Variants in CLTC observed in about 807,000 individuals in gnomAD.
CLTC encodes the protein clathrin heavy chain.
CLTC carries 16 observed loss-of-function variants against 195.8 expected under a neutral mutation model. That is an observed-to-expected ratio of 0.08 (90% CI 0.06 to 0.12). CLTC has a LOEUF of 0.12. CLTC is among the 10% of genes least tolerant of loss of function. CLTC has a pLI of 1.00. For synonymous variants in CLTC, 667 were observed against 689.4 expected (o/e 0.97, Z 0.51); for missense variants, 796 against 2,027.0 (o/e 0.39, Z 11.66).
chr17:59,681,849 CT>C lies in CLTC; in HGVS notation c.3442+12del, dbSNP rs1328968409. The C allele has an allele frequency of 6.2e-7, 1 of 1,600,870 alleles. No homozygotes were observed. Among genetic ancestry groups the C allele is most frequent in the South Asian group, 1.1e-5 (1 of 89,640 alleles). On this transcript the variant is annotated intron_variant, in intron 21 of 31. Coordinates refer to ENST00000269122, the MANE Select transcript of CLTC (RefSeq NM_004859.4). The surrounding 1 kb of genome is among the most constrained non-coding windows in gnomAD (Gnocchi z 5.0). ...GCTGCCAATACTAGTGGTATGACTTCTTACCTTATGTATTGAAACCTCATAA... is the reference window on the plus strand; with the variant it reads ...GCTGCCAATACTAGTGGTATGACTTCTACCTTATGTATTGAAACCTCATAA...
At chr17:59,644,030 GC>G (rs2032118514) in intron 1 of CLTC, among the ~76,000 whole-genome samples, 1 of 152,176 alleles carries the variant, frequency 6.6e-6, no homozygotes, top group Non-Finnish European at 1.5e-5. Flanking sequence ...TGCAGATGTT[GC>G]TCTTTCCTTT....
At chr17:59,680,405 T>C (rs1598239708) in intron 18 of CLTC, among the ~76,000 whole-genome samples, 1 of 152,278 alleles carries the variant, frequency 6.6e-6, no homozygotes, top group East Asian at 1.9e-4. Context: ...CTGAGATAAG[T>C]ATAAATAAAA....
At chr17:59,677,784 T>C (rs534645144) in intron 17 of CLTC, among the ~76,000 whole-genome samples, 2 of 152,370 alleles carry the variant, frequency 1.3e-5, no homozygotes, top group South Asian at 4.1e-4. Context: ...TCTATGACGC[T>C]GATATCTTTG....
At position 59,685,851 on chromosome 17, in the gene CLTC, T is replaced by A. The variant is rs375635344; in HGVS notation, c.4827+43T>A. 7.1e-7 allele frequency: 1 copy of A among 1,404,128 alleles called. No homozygotes were observed. The highest frequency in any genetic ancestry group is 9.7e-7 in the Non-Finnish European group (1 of 1,029,098). 87.0% of individuals were successfully genotyped at this position (1,404,128 alleles called of 1,614,324 possible). A position where few individuals can be genotyped will look rare whatever the true frequency, so the allele number is the denominator to read the frequency against. On this transcript the variant is annotated intron_variant, in intron 30 of 31. Coordinates refer to ENST00000269122, the MANE Select transcript of CLTC (RefSeq NM_004859.4). This position sits in a 1 kb window ranked among gnomAD's most constrained non-coding sequence, Gnocchi z 5.0. Reference sequence around the variant, plus strand: ...TGTATTCAGAACTAGTTTCCTTGCATGTAAAATTCTACATGCACATTAATT... The same window carrying A: ...TGTATTCAGAACTAGTTTCCTTGCAAGTAAAATTCTACATGCACATTAATT...
chr17:59,684,251 A>G (rs556451596), intron 28 of CLTC: 1 of 326,160 alleles, frequency 3.1e-6, no homozygotes, highest in East Asian at 5.5e-5. Context: ...GGTAGAGTCA[A>G]AAATGTCTTT....
At position 59,693,747 on chromosome 17, in the gene CLTC, G is replaced by A; in HGVS notation, c.4923G>A (p.Leu1641=). 6.2e-7 allele frequency: 1 copy of A among 1,612,996 alleles called. No individual in the cohort carries two copies. Among genetic ancestry groups the A allele is most frequent in the South Asian group, 1.1e-5 (1 of 90,994 alleles). ...PIVYGQPQLM[L]TAGPSVAVPP... ...CTGTAGGTCAGCCCCAGTTGATGCT[G>A]ACAGCAGGACCCAGTGTTGCCGTCC... The change falls in exon 32 of 32, where the codon CTG becomes CTA. Residue 1641 remains leucine, a synonymous_variant. Coordinates refer to ENST00000269122, the MANE Select transcript of CLTC (RefSeq NM_004859.4).
chr17:59,654,221 G>C (rs2032404587), intron 5 of CLTC, among the ~76,000 whole-genome samples: 2 of 149,402 alleles, frequency 1.3e-5, no homozygotes, highest in Admixed American at 1.3e-4. Flanking sequence ...TGTCACCCAG[G>C]CTGGAGTGCA....
At chr17:59,688,243 G>A (rs2033226742) in intron 30 of CLTC, among the ~76,000 whole-genome samples, 2 of 152,152 alleles carry the variant, frequency 1.3e-5, no homozygotes, top group African/African-American at 4.8e-5. Flanking sequence ...AGCCTGTATA[G>A]CAAGTCATCT....
chr17:59,685,137 G>C lies in CLTC; in HGVS notation c.4516G>C (p.Glu1506Gln). The change falls in exon 29 of 32, where the codon GAG becomes CAG. Residue 1506 changes from glutamate (E) to glutamine (Q), a missense_variant. By Grantham distance (29) the Glu-to-Gln change is conservative. Transcript: ENST00000269122. This position sits in a 1 kb window ranked among gnomAD's most constrained non-coding sequence, Gnocchi z 5.0. ...GCGTTTGGAAAAACATGAACTCATTGAGTTCAGGAGAATTGCTGCTTATCT... is the reference window on the plus strand; with the variant it reads ...GCGTTTGGAAAAACATGAACTCATTCAGTTCAGGAGAATTGCTGCTTATCT... ...AQRLEKHELI[E>Q]FRRIAAYLFK... 1 of 1,612,098 alleles carries C rather than the reference G, an allele frequency of 6.2e-7. No homozygotes were observed. Among genetic ancestry groups the C allele is most frequent in the Non-Finnish European group, 8.5e-7 (1 of 1,178,670 alleles).
At chr17:59,631,308 G>A (rs1417381402) in intron 1 of CLTC, among the ~76,000 whole-genome samples, 1 of 152,104 alleles carries the variant, frequency 6.6e-6, no homozygotes, top group Non-Finnish European at 1.5e-5. Context: ...TACCTGTTAC[G>A]TATACTGAGT....
At chr17:59,656,273 G>T (rs1302938338) in intron 6 of CLTC, 1 of 342,074 alleles carries the variant, frequency 2.9e-6, no homozygotes, top group Non-Finnish European at 5.3e-6. Flanking sequence ...TGAATACAAA[G>T]TCTCTCTTTA....
intron 1 of CLTC, among the ~76,000 whole-genome samples, chr17:59,627,278 A>G (rs1441410484): frequency 6.6e-6 from 1 of 152,224 alleles, no homozygotes; most frequent in Admixed American, 6.5e-5. Context: ...ATGGGCCATT[A>G]TAGTTGTTTG....
chr17:59,652,229 A>C (rs1314953521), intron 5 of CLTC, among the ~76,000 whole-genome samples: 2 of 152,178 alleles, frequency 1.3e-5, no homozygotes, highest in African/African-American at 4.8e-5. Flanking sequence ...GAAGGTTGGA[A>C]TCAGCCTCTT....
Position 59,644,356 on chromosome 17 carries a change from A to G in CLTC, c.123A>G (p.Arg41=), listed in dbSNP as rs1275814565. 1.2e-6 allele frequency: 2 copies of G among 1,614,014 alleles called. No individual in the cohort carries two copies. The highest frequency in any genetic ancestry group is 2.2e-5 in the East Asian group (1 of 44,894). Residue 41 remains arginine, a synonymous_variant, in exon 2 of 32, where the codon AGA becomes AGG. Transcript: ENST00000269122. ...AGTCTGACAAATTCATCTGCATTAG[A>G]GAAAAAGTAGGAGAGCAGGCCCAGG... ...TMESDKFICI[R]EKVGEQAQVV...
At chr17:59,664,122 A>C (rs2032669937) in intron 9 of CLTC, 128 bp downstream of exon 9, 1 of 793,580 alleles carries the variant, frequency 1.3e-6, no homozygotes, top group South Asian at 2.0e-5. Flanking sequence ...GAAATGTATA[A>C]AAATTCTCTT....
intron 14 of CLTC, 110 bp from the exon 15 acceptor site, chr17:59,673,537 A>ATGTTTGTG (rs2032900454): frequency 2.7e-6 from 2 of 749,166 alleles, no homozygotes; most frequent in African/African-American, 3.5e-5. Context: ...CAGAAGAGCT[A>ATGTTTGTG]TGTTTGTGTG....
intron 1 of CLTC, among the ~76,000 whole-genome samples, chr17:59,635,716 G>C (rs796118515): frequency 1.3e-5 from 2 of 152,096 alleles, no homozygotes; most frequent in African/African-American, 4.8e-5. Flanking sequence ...GGCCTCTTTG[G>C]TCCTCTTAAC....
In CLTC at chr17:59,681,933, A is replaced by G; in HGVS notation, c.3442+94A>G. ...ATTCTGAATTTTAGAAGAGTTGGAT[A>G]CTGCATGGTTTCTTTTAGTGCTCCA... On this transcript the variant is annotated intron_variant, in intron 21 of 31. Transcript: ENST00000269122. The surrounding 1 kb of genome is among the most constrained non-coding windows in gnomAD (Gnocchi z 5.0). The G allele has an allele frequency of 5.3e-6, 6 of 1,142,116 alleles. No homozygotes were observed. The highest frequency in any genetic ancestry group is 7.4e-6 in the Non-Finnish European group (6 of 812,248). 70.7% of individuals were successfully genotyped at this position (1,142,116 alleles called of 1,614,324 possible).
intron 17 of CLTC, among the ~76,000 whole-genome samples, chr17:59,677,981 T>TC (rs1030614697): frequency 1.3e-5 from 2 of 152,160 alleles, no homozygotes; most frequent in Non-Finnish European, 2.9e-5. Flanking sequence ...ATTAAACAGT[T>TC]CCTCCACATA....
Sources: gnomAD v4.1 joint callset for allele counts (sites outside exome capture counted in the v4.1 genomes callset) on GRCh38, gnomAD v4.1.1 for gene constraint, Gnocchi (gnomAD v3.1) non-coding constraint, MANE v1.5 for transcripts, NCBI Gene and HGNC (gene_info 2026-07-23, HGNC 2026-07-21) for gene names.